Variants in SPMIP3 observed in about 807,000 individuals in gnomAD.
SPMIP3 encodes the protein sperm microtubule inner protein 3.
At chr1:244,364,948 C>T in the SPMIP3 span, among the ~76,000 whole-genome samples, 48 of 152,218 alleles carry the variant, frequency 3.2e-4, 1 homozygote, top group South Asian at 1.2e-3. Flanking sequence ...GAAGCTGAGA[C>T]GCCGAAGAAA....
the SPMIP3 span, among the ~76,000 whole-genome samples, chr1:244,364,160 A>C: frequency 6.6e-6 from 1 of 151,780 alleles, no homozygotes; most frequent in African/African-American, 2.4e-5. Flanking sequence ...GCTGGAGCGC[A>C]GTGGCACGAT....
the SPMIP3 span, among the ~76,000 whole-genome samples, chr1:244,363,960 T>C: frequency 6.7e-6 from 1 of 148,800 alleles, no homozygotes; most frequent in Non-Finnish European, 1.5e-5. Flanking sequence ...AATGTCGTGC[T>C]TAGCTTGCAA....
the SPMIP3 span, among the ~76,000 whole-genome samples, chr1:244,384,712 T>C: frequency 8.5e-5 from 13 of 152,284 alleles, no homozygotes; most frequent in Non-Finnish European, 1.5e-4. Flanking sequence ...ATGATGGGTG[T>C]TGGCAGTAGA....
At chr1:244,389,261 G>T in the SPMIP3 span, 2 of 438,524 alleles carry the variant, frequency 4.6e-6, no homozygotes, top group Non-Finnish European at 8.3e-6. Flanking sequence ...ATCCTTAAGA[G>T]AACTTGAATT....
the SPMIP3 span, chr1:244,375,362 T>C: frequency 2.5e-6 from 4 of 1,607,334 alleles, no homozygotes; most frequent in Non-Finnish European, 3.4e-6. Flanking sequence ...CTCCTCACTT[T>C]CTGCTCTAGT....
chr1:244,378,569 A>G, the SPMIP3 span: 1 of 1,614,192 alleles, frequency 6.2e-7, no homozygotes, highest in Non-Finnish European at 8.5e-7. Context: ...GAAGACATTC[A>G]AAGCCTGCCG....
At chr1:244,372,010 A>G in the SPMIP3 span, among the ~76,000 whole-genome samples, 2 of 152,212 alleles carry the variant, frequency 1.3e-5, no homozygotes, top group African/African-American at 4.8e-5. Context: ...TTGCACAGAC[A>G]GAGACAGAAC....
the SPMIP3 span, among the ~76,000 whole-genome samples, chr1:244,363,127 C>T: frequency 6.6e-6 from 1 of 151,936 alleles, no homozygotes; most frequent in Non-Finnish European, 1.5e-5. Flanking sequence ...AGATGTGGGC[C>T]AGGTACGGTG....
At chr1:244,356,623 G>T in the SPMIP3 span, among the ~76,000 whole-genome samples, 1 of 152,192 alleles carries the variant, frequency 6.6e-6, no homozygotes, top group Non-Finnish European at 1.5e-5. Flanking sequence ...GCCAACATTA[G>T]TTAATGGAGG....
chr1:244,382,811 A>G, the SPMIP3 span, among the ~76,000 whole-genome samples: 1 of 151,782 alleles, frequency 6.6e-6, no homozygotes, highest in African/African-American at 2.4e-5. Flanking sequence ...ACCATGTTGG[A>G]CAGGATGGTC....
At chr1:244,380,037 C>A in the SPMIP3 span, among the ~76,000 whole-genome samples, 51 of 151,456 alleles carry the variant, frequency 3.4e-4, no homozygotes, top group African/African-American at 1.1e-3. Context: ...ATGTAGACAC[C>A]AATTAAAGCA....
the SPMIP3 span, among the ~76,000 whole-genome samples, chr1:244,374,565 G>A: frequency 6.6e-5 from 9 of 136,356 alleles, no homozygotes; most frequent in South Asian, 2.4e-4. Context: ...AGAGCCCTCC[G>A]TTTACGGATT....
chr1:244,353,820 A>AG, the SPMIP3 span, among the ~76,000 whole-genome samples: 1 of 152,194 alleles, frequency 6.6e-6, no homozygotes, highest in Non-Finnish European at 1.5e-5. Flanking sequence ...CAGAAGCAAC[A>AG]GGGGACTATC....
At chr1:244,372,812 G>A in the SPMIP3 span, among the ~76,000 whole-genome samples, 1 of 152,162 alleles carries the variant, frequency 6.6e-6, no homozygotes, top group South Asian at 2.1e-4. Context: ...ACATGTCCAG[G>A]CATCACAAAC....
chr1:244,353,565 A>G, the SPMIP3 span, among the ~76,000 whole-genome samples: 1 of 152,258 alleles, frequency 6.6e-6, no homozygotes, highest in African/African-American at 2.4e-5. Context: ...CAAAATGCGT[A>G]GGAGAATCTC....
the SPMIP3 span, among the ~76,000 whole-genome samples, chr1:244,383,321 G>C: frequency 6.6e-6 from 1 of 152,106 alleles, no homozygotes; most frequent in Non-Finnish European, 1.5e-5. Context: ...AGACCAGCCT[G>C]GGCGACGCAG....
chr1:244,379,149 C>G, the SPMIP3 span, among the ~76,000 whole-genome samples: 2 of 151,564 alleles, frequency 1.3e-5, no homozygotes, highest in Non-Finnish European at 2.9e-5. Flanking sequence ...GGGATGGTCT[C>G]GAACTCCTGA....
the SPMIP3 span, among the ~76,000 whole-genome samples, chr1:244,371,048 C>T: frequency 6.6e-6 from 1 of 152,132 alleles, no homozygotes; most frequent in Non-Finnish European, 1.5e-5. Flanking sequence ...TGGGGCCAGG[C>T]TCTGGAGGGA....
the SPMIP3 span, among the ~76,000 whole-genome samples, chr1:244,385,086 G>C: frequency 6.6e-6 from 1 of 152,050 alleles, no homozygotes; most frequent in African/African-American, 2.4e-5. Flanking sequence ...ATTTTTAGTA[G>C]AGACAAGGTT....
Sources: gnomAD v4.1 joint callset for allele counts (sites outside exome capture counted in the v4.1 genomes callset) on GRCh38, gnomAD v4.1.1 for gene constraint, MANE v1.5 for transcripts, NCBI Gene and HGNC (gene_info 2026-07-23, HGNC 2026-07-21) for gene names.